Variants in AP4E1 observed in about 807,000 individuals in gnomAD.
AP4E1 encodes adaptor related protein complex 4 subunit epsilon 1.
A neutral mutation model predicts 128.2 loss-of-function variants in AP4E1; 56 were observed. The observed-to-expected ratio is 0.44, with a 90% CI of 0.35 to 0.55. The LOEUF is 0.55. Ranked by LOEUF, AP4E1 falls within the 20% of genes least tolerant of loss-of-function variation. The probability of loss-of-function intolerance (pLI) is 0.00; values close to 1 mark genes in which losing one functional copy is unlikely to be tolerated. For missense variants in AP4E1, 1,324 were observed against 1,307.7 expected (o/e 1.01, Z -0.19); for synonymous variants, 484 against 473.1 (o/e 1.02, Z -0.30).
At chr15:50,997,929 T>C in intron 18 of AP4E1, 46 bp downstream of exon 18, 1 of 1,456,440 alleles carries the variant, frequency 6.9e-7, no homozygotes, top group South Asian at 1.2e-5. Flanking sequence ...GTATATTTTG[T>C]GTTCTCTTTT....
chr15:50,938,699 C>A (rs1229540242), intron 8 of AP4E1, among the ~76,000 whole-genome samples: 1 of 152,072 alleles, frequency 6.6e-6, no homozygotes, highest in East Asian at 1.9e-4. Flanking sequence ...CACTCCTGAT[C>A]AGCGATAATG....
intron 8 of AP4E1, 101 bp from the exon 9 acceptor site, chr15:50,941,341 A>G: frequency 2.2e-6 from 3 of 1,343,326 alleles, no homozygotes; most frequent in East Asian, 2.3e-5. Flanking sequence ...ATTTCTGACT[A>G]AAATGGACTT....
chr15:50,911,429 T>C (rs1240890948), intron 1 of AP4E1, among the ~76,000 whole-genome samples: 1 of 151,938 alleles, frequency 6.6e-6, no homozygotes, highest in Non-Finnish European at 1.5e-5. Flanking sequence ...GAGATGAGAC[T>C]CTTTTCTTGG....
chr15:50,989,347 T>C (rs952920365), intron 16 of AP4E1, among the ~76,000 whole-genome samples: 1 of 152,206 alleles, frequency 6.6e-6, no homozygotes, highest in African/African-American at 2.4e-5. Context: ...AGTCATCTTA[T>C]TTTATGTTCA....
Position 50,912,121 on chromosome 15 carries a change from C to T in AP4E1, c.194C>T (p.Ala65Val), listed in dbSNP as rs368584847. The T allele has an allele frequency of 3.5e-5, 57 of 1,613,978 alleles. No individual in the cohort carries two copies. Among genetic ancestry groups the T allele is most frequent in the African/African-American group, 4.0e-5 (3 of 74,926 alleles). Residue 65 changes from alanine to valine, a missense_variant, in exon 2 of 21, where the codon GCG (alanine) becomes GTG (valine). By Grantham distance (64) the Ala-to-Val change is moderately conservative. Transcript: ENST00000261842. ...CAGCAGGAACTGAGTAGTCTGAAAG[C>T]GACTGTTTCTGCTCCTACTACAACA... Reference protein sequence around the residue: ...LIQQELSSLKATVSAPTTTLK... With the variant: ...LIQQELSSLKVTVSAPTTTLK...
intron 4 of AP4E1, among the ~76,000 whole-genome samples, chr15:50,924,709 A>G (rs929531074): frequency 6.6e-6 from 1 of 152,310 alleles, no homozygotes; most frequent in Middle Eastern, 3.4e-3. Context: ...GAATGTGTGC[A>G]TTTTATTGTG....
intron 10 of AP4E1, chr15:50,946,070 G>A: frequency 1.5e-6 from 1 of 662,750 alleles, no homozygotes; most frequent in Non-Finnish European, 2.6e-6. Flanking sequence ...AAATTAAAGT[G>A]CTGGGACTAG....
chr15:50,998,790 T>G (rs561068331), intron 18 of AP4E1, among the ~76,000 whole-genome samples: 6 of 152,276 alleles, frequency 3.9e-5, no homozygotes, highest in Non-Finnish European at 8.8e-5. Context: ...ATTTGAAAAC[T>G]CTCCTATCTT....
intron 14 of AP4E1, among the ~76,000 whole-genome samples, chr15:50,964,262 T>C (rs2140887471): frequency 6.6e-6 from 1 of 152,336 alleles, no homozygotes; most frequent in African/African-American, 2.4e-5. Context: ...TTGTTGAAGC[T>C]CTTGGTTATA....
chr15:50,945,745 G>A (rs750789558), intron 10 of AP4E1: 61 of 774,480 alleles, frequency 7.9e-5, no homozygotes, highest in Middle Eastern at 2.6e-4. Flanking sequence ...AAAATTTGGT[G>A]TGCTTACATC....
intron 10 of AP4E1, chr15:50,945,056 T>C (rs2140851554): frequency 2.6e-6 from 2 of 780,144 alleles, no homozygotes; most frequent in East Asian, 2.4e-5. Flanking sequence ...GTGACAAAAC[T>C]GTGAAACAAT....
At chr15:50,927,820 C>T (rs1199165344) in intron 5 of AP4E1, among the ~76,000 whole-genome samples, 1 of 152,154 alleles carries the variant, frequency 6.6e-6, no homozygotes, top group Non-Finnish European at 1.5e-5. Flanking sequence ...TGAATAGTCT[C>T]AGTCTTGAGA....
rs1254526904 is a variant in AP4E1, at chr15:50,984,034, A to T, written c.1979A>T (p.Glu660Val). ...TTTAAAATTCTAGTTCTCAATTTTG[A>T]ACCATATGGACTCTCCTTTTCTTCA... ...KLSQEKVLNF[E>V]PYGLSFSSSG... Residue 660 changes from glutamate to valine, a missense_variant, in exon 16 of 21, where the codon GAA becomes GTA. Transcript: ENST00000261842. 6.2e-7 allele frequency: 1 copy of T among 1,613,020 alleles called. No homozygotes were observed. Among genetic ancestry groups the T allele is most frequent in the South Asian group, 1.1e-5 (1 of 91,040 alleles).
intron 16 of AP4E1, among the ~76,000 whole-genome samples, chr15:50,992,147 C>T (rs192544079): frequency 6.6e-6 from 1 of 152,046 alleles, no homozygotes; most frequent in East Asian, 1.9e-4. Context: ...TTCCAACAAA[C>T]CATGTACCCT....
upstream of AP4E1, among the ~76,000 whole-genome samples, chr15:50,908,011 G>A (rs1296020108): frequency 2.0e-5 from 3 of 152,258 alleles, no homozygotes; most frequent in Admixed American, 1.3e-4. Context: ...CGGGCCAGGG[G>A]AGTGGGCTCT....
chr15:50,922,574 A>T (rs1437957721), intron 3 of AP4E1, among the ~76,000 whole-genome samples: 1 of 152,206 alleles, frequency 6.6e-6, no homozygotes, highest in Non-Finnish European at 1.5e-5. Context: ...TATAGTTAAC[A>T]TTAGAATCCC....
chr15:50,968,665 T>C (rs2064430025), intron 15 of AP4E1, among the ~76,000 whole-genome samples: 1 of 152,194 alleles, frequency 6.6e-6, no homozygotes, highest in South Asian at 2.1e-4. Flanking sequence ...TCTTGCTCTG[T>C]CACCCAGGCT....
At chr15:50,922,971 G>T (rs1221181995) in intron 3 of AP4E1, among the ~76,000 whole-genome samples, 2 of 152,044 alleles carry the variant, frequency 1.3e-5, no homozygotes, top group African/African-American at 2.4e-5. Context: ...TAGAGACGGG[G>T]TTTCACCGTG....
At chr15:51,002,004 G>T (rs74425710) in intron 20 of AP4E1, among the ~76,000 whole-genome samples, 21 of 152,016 alleles carry the variant, frequency 1.4e-4, no homozygotes, top group Non-Finnish European at 2.1e-4. Flanking sequence ...TCAGCCTCCC[G>T]AGTAGCTAGG....
Sources: allele counts gnomAD v4.1 joint callset (sites outside exome capture counted in the v4.1 genomes callset), GRCh38; gene constraint gnomAD v4.1.1; transcripts MANE v1.5; gene names NCBI Gene and HGNC (gene_info 2026-07-23, HGNC 2026-07-21).